Variants in ARHGAP6 observed in about 807,000 individuals in gnomAD.
The protein encoded by ARHGAP6 is Rho GTPase activating protein 6, also known as rho GTPase-activating protein 6.
Under a neutral mutation model 55.7 loss-of-function variants are expected in ARHGAP6, and 16 were observed. The ratio of observed to expected loss-of-function variants is 0.29; its 90% CI spans 0.19 to 0.44. The LOEUF is 0.44. ARHGAP6 is among the 20% of genes least tolerant of loss of function. The pLI is 1.00. For synonymous variants in ARHGAP6, 382 were observed against 360.9 expected (o/e 1.06, Z -0.66); for missense variants, 698 against 808.9 (o/e 0.86, Z 1.66).
At chrX:11,325,844 T>C (rs1603079566) in intron 1 of ARHGAP6, among the ~76,000 whole-genome samples, 1 of 112,060 alleles carries the variant, frequency 8.9e-6, no homozygotes, top group East Asian at 2.8e-4. Context: ...TTTTTGGTTG[T>C]CTCAACTGAG....
At chrX:11,140,417 C>CAAAA (rs1211125181) in intron 12 of ARHGAP6, among the ~76,000 whole-genome samples, 23 of 41,442 alleles carry the variant, frequency 5.5e-4, no homozygotes, top group African/African-American at 1.8e-3. Context: ...GACTCCGTCA[C>CAAAA]AAAAAAAAAA....
At chrX:11,354,295 T>TTTC (rs2048900645) in intron 1 of ARHGAP6, among the ~76,000 whole-genome samples, 2 of 41,054 alleles carry the variant, frequency 4.9e-5, no homozygotes, top group African/African-American at 2.0e-4. Context: ...CTCTCTCTCT[T>TTTC]TCTCTCTCTC....
At chrX:11,548,567 C>T (rs1017003416) in intron 1 of ARHGAP6, among the ~76,000 whole-genome samples, 11 of 111,255 alleles carry the variant, frequency 9.9e-5, no homozygotes, top group Middle Eastern at 4.6e-3. Flanking sequence ...CAGGCTCATC[C>T]GTATTGCCAA....
chrX:11,320,337 A>G (rs2048416161), intron 1 of ARHGAP6, among the ~76,000 whole-genome samples: 2 of 111,935 alleles, frequency 1.8e-5, no homozygotes, highest in Non-Finnish European at 3.8e-5. Context: ...GTGGGAGACA[A>G]GACATGTATA....
intron 2 of ARHGAP6, among the ~76,000 whole-genome samples, chrX:11,228,738 G>A (rs943788778): frequency 7.1e-5 from 8 of 112,281 alleles, no homozygotes; most frequent in Non-Finnish European, 1.5e-4. Flanking sequence ...ACTGCAGTAA[G>A]AGTTGGCACT....
At chrX:11,357,577 A>T (rs1316894706) in intron 1 of ARHGAP6, among the ~76,000 whole-genome samples, 1 of 111,721 alleles carries the variant, frequency 9.0e-6, no homozygotes, top group East Asian at 2.8e-4. Flanking sequence ...AACTCTATCC[A>T]TTGTATTCAA....
At chrX:11,196,143 A>G (rs1318884871) in intron 3 of ARHGAP6, among the ~76,000 whole-genome samples, 3 of 105,341 alleles carry the variant, frequency 2.8e-5, no homozygotes, top group Non-Finnish European at 5.8e-5. Context: ...CAAAAAACAA[A>G]ACAAAACAAA....
chrX:11,140,198 AAAAT>A (rs1336681830), intron 12 of ARHGAP6, among the ~76,000 whole-genome samples: 2 of 97,618 alleles, frequency 2.0e-5, no homozygotes, highest in African/African-American at 7.5e-5. Context: ...ACTAAAAAAA[AAAAT>A]AAAAAAAAAA....
At chrX:11,294,627 A>T in intron 1 of ARHGAP6, 1 of 618,416 alleles carries the variant, frequency 1.6e-6, no homozygotes, top group Non-Finnish European at 2.7e-6. Context: ...GAGAGCTGGA[A>T]ATCACATATG....
chrX:11,557,399 G>A (rs918821335), intron 1 of ARHGAP6, among the ~76,000 whole-genome samples: 5 of 110,024 alleles, frequency 4.5e-5, no homozygotes, highest in African/African-American at 1.7e-4. Flanking sequence ...CAGGCTGCAC[G>A]TTTTACCCTC....
At position 11,577,886 on chromosome X, in the gene ARHGAP6, C is replaced by T. The variant is rs1353543063; in HGVS notation, c.588+86355G>A. Among the ~76,000 whole-genome samples, 3 of 111,104 alleles carry T rather than the reference C, an allele frequency of 2.7e-5. No homozygotes were observed. In the East Asian group the frequency reaches 8.5e-4, roughly 31 times the overall value. ...GAAAGTCATCATCTTTCGGCCGATA[C>T]CTATATTGCCTCCTTTCTGGTCCCC... On this transcript the variant is annotated intron_variant, in intron 1 of 12. Transcript: ENST00000337414.
intron 9 of ARHGAP6, among the ~76,000 whole-genome samples, chrX:11,165,521 C>A (rs1035548335): frequency 9.0e-6 from 1 of 111,530 alleles, no homozygotes; most frequent in Non-Finnish European, 1.9e-5. Flanking sequence ...TAGCAGAAAT[C>A]TTCCTTTAAT....
At chrX:11,193,758 A>G (rs2046494942) in intron 3 of ARHGAP6, among the ~76,000 whole-genome samples, 1 of 112,551 alleles carries the variant, frequency 8.9e-6, no homozygotes, top group Non-Finnish European at 1.9e-5. Flanking sequence ...TAAAAAATCT[A>G]TAATGGCCCA....
intron 1 of ARHGAP6, among the ~76,000 whole-genome samples, chrX:11,551,492 G>C (rs1014320925): frequency 3.6e-5 from 4 of 111,196 alleles, no homozygotes; most frequent in Non-Finnish European, 7.6e-5. Context: ...CACTTTTGTT[G>C]GTTTTACTAA....
chrX:11,445,265 G>A (rs751740709), intron 1 of ARHGAP6, among the ~76,000 whole-genome samples: 4 of 111,658 alleles, frequency 3.6e-5, no homozygotes, highest in Admixed American at 9.5e-5. Flanking sequence ...TGAATTCCCA[G>A]GCTCTTAAAA....
intron 1 of ARHGAP6, among the ~76,000 whole-genome samples, chrX:11,331,949 A>AG (rs2048567631): frequency 9.0e-6 from 1 of 111,444 alleles, no homozygotes. Context: ...AAAACTGTGA[A>AG]GCTCTGTATA....
intron 1 of ARHGAP6, among the ~76,000 whole-genome samples, chrX:11,272,680 A>T: frequency 9.0e-6 from 1 of 111,136 alleles, no homozygotes; most frequent in Non-Finnish European, 1.9e-5. Context: ...GCTACCAATT[A>T]AGAGATTAAG....
chrX:11,473,882 A>G (rs2050376562), intron 1 of ARHGAP6, among the ~76,000 whole-genome samples: 1 of 111,553 alleles, frequency 9.0e-6, no homozygotes, highest in African/African-American at 3.3e-5. Context: ...GGTTAATCAG[A>G]TGAAGAACTC....
intron 1 of ARHGAP6, among the ~76,000 whole-genome samples, chrX:11,297,013 T>A (rs894270020): frequency 1.8e-5 from 2 of 111,243 alleles, no homozygotes; most frequent in African/African-American, 6.6e-5. Context: ...CCCAGCAGCC[T>A]CCCGCCTGGC....
Sources: allele counts gnomAD v4.1 joint callset (sites outside exome capture counted in the v4.1 genomes callset), GRCh38; gene constraint gnomAD v4.1.1; transcripts MANE v1.5; gene names NCBI Gene and HGNC (gene_info 2026-07-23, HGNC 2026-07-21).